The following SLC7A2 variants were observed in gnomAD, a reference collection of about 807,000 sequenced individuals.
The protein encoded by SLC7A2 is solute carrier family 7 member 2, also known as cationic amino acid transporter 2.
A neutral mutation model predicts 58.9 loss-of-function variants in SLC7A2; 48 were observed. The ratio of observed to expected loss-of-function variants is 0.82; its 90% CI spans 0.65 to 1.04. SLC7A2 has a LOEUF of 1.04. Among genes scored for constraint, SLC7A2 ranks in the 50% least tolerant of loss-of-function variants. The pLI, the probability that SLC7A2 is intolerant of heterozygous loss-of-function variation, is 0.00. For synonymous variants in SLC7A2, 363 were observed against 314.5 expected, an observed-to-expected ratio of 1.15 and a Z score of -1.63; for missense variants, 1,029 against 818.8, an observed-to-expected ratio of 1.26 and a Z score of -3.13.
At chr8:17,525,008 A>G (rs1023122159) in intron 2 of SLC7A2, among the ~76,000 whole-genome samples, 2 of 152,180 alleles carry the variant, frequency 1.3e-5, no homozygotes, top group African/African-American at 4.8e-5. Context: ...CTCTCCCTGC[A>G]TCTAGACAGA....
chr8:17,537,045 T>G (rs1391861659), intron 2 of SLC7A2, among the ~76,000 whole-genome samples: 2 of 152,148 alleles, frequency 1.3e-5, no homozygotes, highest in Non-Finnish European at 2.9e-5. Context: ...ATGAACACTG[T>G]ATGGCTTCTT....
chr8:17,502,773 G>A (rs980020855), intron 2 of SLC7A2, among the ~76,000 whole-genome samples: 17 of 152,126 alleles, frequency 1.1e-4, no homozygotes, highest in African/African-American at 3.6e-4. Context: ...CAAGGTTTTT[G>A]TTCAATGGAC....
upstream of SLC7A2, among the ~76,000 whole-genome samples, chr8:17,496,274 A>G (rs1237866597): frequency 6.6e-6 from 1 of 152,122 alleles, no homozygotes; most frequent in Non-Finnish European, 1.5e-5. Flanking sequence ...GTGAGCCACG[A>G]TTGTGTCACT....
At chr8:17,544,429 T>G (rs1802067164) in intron 3 of SLC7A2, 22 bp from the exon 4 acceptor site, 1 of 1,606,496 alleles carries the variant, frequency 6.2e-7, no homozygotes. Context: ...TGACTTCGTA[T>G]TCTCTGTTCT....
At chr8:17,502,481 A>T (rs556401479) in intron 2 of SLC7A2, among the ~76,000 whole-genome samples, 179 bp downstream of exon 2, 4 of 152,220 alleles carry the variant, frequency 2.6e-5, no homozygotes, top group African/African-American at 9.7e-5. Context: ...AGAAAAAAAT[A>T]TTTTAAAAGA....
intron 9 of SLC7A2, among the ~76,000 whole-genome samples, chr8:17,559,554 G>A (rs138004571): frequency 0.015 from 2,239 of 151,932 alleles, 27 homozygotes; most frequent in Admixed American, 0.023. Context: ...CAACAAGAGC[G>A]AAACTCTGTC....
intron 2 of SLC7A2, chr8:17,511,019 A>G (rs1348726054): frequency 6.6e-6 from 1 of 152,078 alleles, no homozygotes. Context: ...CAAACAGGAC[A>G]TGTTCTCACT....
At chr8:17,507,593 A>T (rs74352735) in intron 2 of SLC7A2, among the ~76,000 whole-genome samples, 4,971 of 152,320 alleles carry the variant, frequency 0.033, 281 homozygotes, top group African/African-American at 0.11. Flanking sequence ...TGGATATGCA[A>T]ATTACCCTTA....
intron 2 of SLC7A2, among the ~76,000 whole-genome samples, chr8:17,518,686 C>T (rs1800897847): frequency 1.3e-5 from 2 of 152,142 alleles, no homozygotes; most frequent in African/African-American, 4.8e-5. Context: ...AGCTTCATTA[C>T]ATTGCTTCTG....
In SLC7A2 at chr8:17,558,338, G is replaced by C. The variant is rs555678284; in HGVS notation, c.1239G>C (p.Met413Ile). 8 of 1,613,484 alleles carry C rather than the reference G, an allele frequency of 5.0e-6. No individual in the cohort carries two copies. The highest frequency in any genetic ancestry group is 1.3e-5 in the African/African-American group (1 of 75,014). The change falls in exon 9 of 13, where the codon ATG (methionine) becomes ATC (isoleucine). Residue 413 changes from methionine to isoleucine, a missense_variant. Met to Ile is a conservative substitution (Grantham distance 10). Transcript: ENST00000494857. ...TTGACCTGAAGGCGCTTGTGGACAT[G>C]ATGTCCATTGGCACACTCATGGCCT... ...FLFDLKALVD[M>I]MSIGTLMAYS... is the part of the protein sequence containing the mutation.
chr8:17,503,252 G>A (rs1010057374), intron 2 of SLC7A2, among the ~76,000 whole-genome samples: 8 of 151,930 alleles, frequency 5.3e-5, no homozygotes, highest in Admixed American at 1.3e-4. Context: ...GGGTTTCACC[G>A]CGTTAGCCAG....
At chr8:17,519,236 G>C (rs145758855) in intron 2 of SLC7A2, among the ~76,000 whole-genome samples, 3 of 152,144 alleles carry the variant, frequency 2.0e-5, no homozygotes, top group Non-Finnish European at 4.4e-5. Context: ...AGGGTTGATA[G>C]GTAATTCAGT....
chr8:17,548,950 G>A, intron 5 of SLC7A2, 107 bp downstream of exon 5: 3 of 916,900 alleles, frequency 3.3e-6, no homozygotes, highest in South Asian at 3.5e-5. Context: ...CCCATGACTG[G>A]GTAATTTATA....
intron 4 of SLC7A2, 68 bp from the exon 5 acceptor site, chr8:17,548,610 G>T (rs1005477172): frequency 1.1e-5 from 12 of 1,100,976 alleles, no homozygotes; most frequent in Non-Finnish European, 1.5e-5. Flanking sequence ...CTAAAGTCAT[G>T]TATTTGCCTC....
chr8:17,545,169 A>C (rs1802103642), intron 4 of SLC7A2, among the ~76,000 whole-genome samples: 1 of 152,116 alleles, frequency 6.6e-6, no homozygotes, highest in African/African-American at 2.4e-5. Flanking sequence ...GAGGCACAGG[A>C]ATTCTAATAA....
intron 1 of SLC7A2, among the ~76,000 whole-genome samples, chr8:17,498,121 T>C (rs545153521): frequency 1.6e-4 from 25 of 152,218 alleles, no homozygotes; most frequent in African/African-American, 5.8e-4. Context: ...CTCTTCAGAG[T>C]TGTAAATATT....
Position 17,565,165 on chromosome 8 carries a change from T to C in SLC7A2, c.*19T>C. ...ATTCTAACACTTGCAGGAGCAGAGC[T>C]GGTCATCGTCTTAGCATACATATCC... On this transcript the variant is annotated 3_prime_UTR_variant, in exon 13 of 13. Transcript: ENST00000494857. The C allele has an allele frequency of 6.3e-7, 1 of 1,589,840 alleles. No homozygotes were observed. The highest frequency in any genetic ancestry group is 1.1e-5 in the South Asian group (1 of 88,476).
At chr8:17,506,635 ACTCATC>A (rs1202324887) in intron 2 of SLC7A2, among the ~76,000 whole-genome samples, 1 of 152,208 alleles carries the variant, frequency 6.6e-6, no homozygotes, top group Non-Finnish European at 1.5e-5. Context: ...GAGAGGTGTA[ACTCATC>A]TGAGGTTAGA....
intron 8 of SLC7A2, among the ~76,000 whole-genome samples, chr8:17,555,435 A>C (rs17124830): frequency 0.029 from 4,396 of 152,308 alleles, 82 homozygotes; most frequent in South Asian, 0.058. Context: ...TAAACTTCTG[A>C]TTAAGGAATT....
Sources: gnomAD v4.1 joint callset for allele counts (sites outside exome capture counted in the v4.1 genomes callset) on GRCh38, gnomAD v4.1.1 for gene constraint, MANE v1.5 for transcripts, NCBI Gene and HGNC (gene_info 2026-07-23, HGNC 2026-07-21) for gene names.